Variants in ADK observed in about 807,000 individuals in gnomAD.
The protein encoded by ADK is N6,N6-dimethyladenosine kinase.
A neutral mutation model predicts 44.7 loss-of-function variants in ADK; 24 were observed. That is an observed-to-expected ratio of 0.54 (90% CI 0.39 to 0.76). The LOEUF (loss-of-function observed/expected upper bound fraction) is 0.76, where lower values mean the gene tolerates loss of function less well. Ranked by LOEUF, ADK falls within the 30% of genes least tolerant of loss-of-function variation. ADK has a pLI of 0.00. For synonymous variants in ADK, 128 were observed against 142.6 expected, an observed-to-expected ratio of 0.90 and a Z score of 0.73; for missense variants, 321 against 425.1, an observed-to-expected ratio of 0.76 and a Z score of 2.15.
intron 10 of ADK, among the ~76,000 whole-genome samples, chr10:74,672,856 C>T (rs1855239357): frequency 6.6e-6 from 1 of 152,036 alleles, no homozygotes; most frequent in Non-Finnish European, 1.5e-5. Flanking sequence ...ATGAAAAAAA[C>T]AGAGACAAAG....
intron 6 of ADK, among the ~76,000 whole-genome samples, chr10:74,425,402 C>A (rs971407828): frequency 1.3e-5 from 2 of 151,976 alleles, no homozygotes; most frequent in Non-Finnish European, 2.9e-5. Flanking sequence ...AGGATCCCAA[C>A]TTTATGTGGA....
At chr10:74,319,892 T>C (rs1270678221) in intron 4 of ADK, among the ~76,000 whole-genome samples, 1 of 152,198 alleles carries the variant, frequency 6.6e-6, no homozygotes, top group Non-Finnish European at 1.5e-5. Flanking sequence ...TATATATTAT[T>C]ACGCTCATTG....
intron 6 of ADK, among the ~76,000 whole-genome samples, chr10:74,418,554 G>A (rs1201416150): frequency 6.6e-6 from 1 of 152,142 alleles, no homozygotes; most frequent in Non-Finnish European, 1.5e-5. Context: ...CAAGAAGGCA[G>A]AATTACAGAT....
At chr10:74,584,147 T>C (rs1169277634) in intron 7 of ADK, among the ~76,000 whole-genome samples, 1 of 152,188 alleles carries the variant, frequency 6.6e-6, no homozygotes, top group Non-Finnish European at 1.5e-5. Context: ...TGAAAACCAT[T>C]TTGAAGACTG....
intron 4 of ADK, among the ~76,000 whole-genome samples, chr10:74,328,135 C>G (rs1422173395): frequency 1.3e-5 from 2 of 152,176 alleles, no homozygotes; most frequent in Non-Finnish European, 2.9e-5. Flanking sequence ...TCTTGAACTC[C>G]TGACCTCAAG....
At chr10:74,225,979 T>G (rs1016289340) in intron 3 of ADK, among the ~76,000 whole-genome samples, 1 of 152,226 alleles carries the variant, frequency 6.6e-6, no homozygotes, top group African/African-American at 2.4e-5. Flanking sequence ...AGAAATCTGC[T>G]TTTAAAGAAT....
intron 6 of ADK, among the ~76,000 whole-genome samples, chr10:74,468,517 T>C (rs949542521): frequency 6.6e-5 from 10 of 152,202 alleles, no homozygotes; most frequent in Admixed American, 2.0e-4. Flanking sequence ...GAGCCTCTTA[T>C]GAAGGAGTCA....
intron 9 of ADK, among the ~76,000 whole-genome samples, chr10:74,631,002 G>C (rs111608662): frequency 0.018 from 2,709 of 151,332 alleles, 74 homozygotes; most frequent in African/African-American, 0.063. Flanking sequence ...TCAAATTGTC[G>C]TAGATTTGAC....
At chr10:74,192,453 C>A (rs1416244473) in intron 1 of ADK, among the ~76,000 whole-genome samples, 1 of 151,962 alleles carries the variant, frequency 6.6e-6, no homozygotes, top group Non-Finnish European at 1.5e-5. Context: ...GTCTCGAACT[C>A]CTGACCTTGT....
At chr10:74,530,929 A>G (rs1026300017) in intron 7 of ADK, among the ~76,000 whole-genome samples, 1 of 152,178 alleles carries the variant, frequency 6.6e-6, no homozygotes, top group Non-Finnish European at 1.5e-5. Context: ...TCAAAAAGAA[A>G]AAAGAAGGGT....
At chr10:74,298,347 A>G (rs1041104953) in intron 3 of ADK, among the ~76,000 whole-genome samples, 1 of 152,240 alleles carries the variant, frequency 6.6e-6, no homozygotes, top group Non-Finnish European at 1.5e-5. Flanking sequence ...AGAGCTATTT[A>G]CTAATGGTAA....
At chr10:74,159,953 G>C (rs1841845925) in intron 1 of ADK, among the ~76,000 whole-genome samples, 1 of 152,144 alleles carries the variant, frequency 6.6e-6, no homozygotes, top group African/African-American at 2.4e-5. Context: ...TTGTCCTTTA[G>C]ATTCAATTTA....
intron 6 of ADK, among the ~76,000 whole-genome samples, chr10:74,443,306 C>T (rs1845486217): frequency 6.6e-6 from 1 of 151,946 alleles, no homozygotes; most frequent in East Asian, 1.9e-4. Context: ...TCAGTTATAA[C>T]TCAAGAAAAT....
At chr10:74,665,975 G>T (rs1345773471) in intron 9 of ADK, among the ~76,000 whole-genome samples, 1 of 152,114 alleles carries the variant, frequency 6.6e-6, no homozygotes, top group Non-Finnish European at 1.5e-5. Flanking sequence ...ATTTTCTAAG[G>T]ATATCGTGAG....
chr10:74,529,293 A>G (rs1849187140), intron 7 of ADK: 2 of 152,168 alleles, frequency 1.3e-5, no homozygotes. Flanking sequence ...TTCCACTTAC[A>G]AGAAGTATCT....
intron 3 of ADK, among the ~76,000 whole-genome samples, chr10:74,238,852 A>G (rs1400780355): frequency 8.8e-6 from 1 of 113,278 alleles, no homozygotes; most frequent in Non-Finnish European, 1.7e-5. Flanking sequence ...CACTTTAGCT[A>G]GTGCTTTTTT....
intron 6 of ADK, among the ~76,000 whole-genome samples, chr10:74,462,733 T>C (rs1846215587): frequency 6.6e-6 from 1 of 152,222 alleles, no homozygotes; most frequent in Admixed American, 6.5e-5. Flanking sequence ...TAGCGTCCAA[T>C]GTGACATGTG....
intron 7 of ADK, among the ~76,000 whole-genome samples, chr10:74,569,842 C>T (rs1162377526): frequency 6.6e-6 from 1 of 152,180 alleles, no homozygotes; most frequent in Non-Finnish European, 1.5e-5. Context: ...ATTTGAAGTC[C>T]TTGCCCATGC....
At chr10:74,256,989 AG>A (rs1316849707) in intron 3 of ADK, among the ~76,000 whole-genome samples, 4 of 152,192 alleles carry the variant, frequency 2.6e-5, no homozygotes, top group African/African-American at 9.7e-5. Flanking sequence ...AACCAAAATG[AG>A]TTACTGCAAC....
Sources: gnomAD v4.1 joint callset for allele counts (sites outside exome capture counted in the v4.1 genomes callset) on GRCh38, gnomAD v4.1.1 for gene constraint, MANE v1.5 for transcripts, NCBI Gene and HGNC (gene_info 2026-07-23, HGNC 2026-07-21) for gene names.